Variants in JAZF1 observed in about 807,000 individuals in gnomAD.
JAZF1 encodes juxtaposed with another zinc finger protein 1.
A neutral mutation model predicts 26.4 loss-of-function variants in JAZF1; 8 were observed. The ratio of observed to expected loss-of-function variants is 0.30; its 90% CI spans 0.18 to 0.55. JAZF1 has a LOEUF of 0.55. Among genes scored for constraint, JAZF1 ranks in the 20% least tolerant of loss-of-function variants. The pLI, the probability that JAZF1 is intolerant of heterozygous loss-of-function variation, is 0.94. For synonymous variants in JAZF1, 126 were observed against 122.3 expected, an observed-to-expected ratio of 1.03 and a Z score of -0.20; for missense variants, 199 against 322.0, an observed-to-expected ratio of 0.62 and a Z score of 2.92.
intron 1 of JAZF1, among the ~76,000 whole-genome samples, chr7:28,049,726 C>T (rs755440882): frequency 1.3e-5 from 2 of 152,240 alleles, no homozygotes; most frequent in East Asian, 1.9e-4. Flanking sequence ...TTAGGGGAAA[C>T]ATTTTACTTA....
At chr7:28,140,436 G>C (rs1175350242) in intron 1 of JAZF1, among the ~76,000 whole-genome samples, 1 of 152,010 alleles carries the variant, frequency 6.6e-6, no homozygotes, top group African/African-American at 2.4e-5. Context: ...AAATGACCAA[G>C]GTGTCAAAAT....
chr7:27,941,207 T>C (rs1784841316), intron 2 of JAZF1, among the ~76,000 whole-genome samples: 1 of 152,250 alleles, frequency 6.6e-6, no homozygotes, highest in African/African-American at 2.4e-5. Flanking sequence ...TTTTTGGCAA[T>C]CAATTAGGAA....
chr7:28,028,481 C>T (rs1783129747), intron 1 of JAZF1, among the ~76,000 whole-genome samples: 1 of 152,190 alleles, frequency 6.6e-6, no homozygotes, highest in Non-Finnish European at 1.5e-5. Context: ...CTGCTGAAGG[C>T]AATATGTAGA....
intron 1 of JAZF1, among the ~76,000 whole-genome samples, chr7:28,048,437 G>A (rs1191924169): frequency 6.6e-6 from 1 of 151,974 alleles, no homozygotes; most frequent in Non-Finnish European, 1.5e-5. Flanking sequence ...CTCAAATATT[G>A]ATTTGAATAC....
At chr7:27,902,181 C>G (rs1262744071) in intron 2 of JAZF1, among the ~76,000 whole-genome samples, 1 of 152,086 alleles carries the variant, frequency 6.6e-6, no homozygotes, top group Non-Finnish European at 1.5e-5. Flanking sequence ...TGGGGCTGCC[C>G]CAGACCCTAA....
chr7:28,017,671 G>T (rs1782919228), intron 1 of JAZF1, among the ~76,000 whole-genome samples: 1 of 152,256 alleles, frequency 6.6e-6, no homozygotes, highest in Admixed American at 6.5e-5. Context: ...GCACTGGCCA[G>T]ATACTTGTGG....
At chr7:28,028,143 A>C (rs899088370) in intron 1 of JAZF1, among the ~76,000 whole-genome samples, 10 of 152,184 alleles carry the variant, frequency 6.6e-5, no homozygotes, top group Non-Finnish European at 4.4e-5. Context: ...GAAACAAGCA[A>C]CCTATCTTCT....
intron 1 of JAZF1, among the ~76,000 whole-genome samples, chr7:28,077,101 A>G (rs878950205): frequency 6.6e-6 from 1 of 152,224 alleles, no homozygotes; most frequent in Admixed American, 6.5e-5. Flanking sequence ...CGACACTTAC[A>G]TTGGAATCTA....
intron 1 of JAZF1, among the ~76,000 whole-genome samples, chr7:28,039,157 G>C (rs911607192): frequency 1.3e-5 from 2 of 152,172 alleles, no homozygotes; most frequent in Non-Finnish European, 2.9e-5. Context: ...AGAGACCTTG[G>C]AGACTTACTT....
At chr7:28,062,225 G>T (rs570922230) in intron 1 of JAZF1, among the ~76,000 whole-genome samples, 1 of 152,242 alleles carries the variant, frequency 6.6e-6, no homozygotes, top group East Asian at 1.9e-4. Flanking sequence ...TAATGGACTG[G>T]ACTCGAAGCA....
chr7:28,155,554 A>G (rs1251209938), intron 1 of JAZF1, among the ~76,000 whole-genome samples: 1 of 152,206 alleles, frequency 6.6e-6, no homozygotes, highest in Non-Finnish European at 1.5e-5. Flanking sequence ...TAATTTAGGA[A>G]CCTTTTACAG....
chr7:28,036,434 T>G (rs1783294453), intron 1 of JAZF1, among the ~76,000 whole-genome samples: 1 of 152,258 alleles, frequency 6.6e-6, no homozygotes, highest in African/African-American at 2.4e-5. Flanking sequence ...TTTCCTTGTT[T>G]ATTCTTCATC....
chr7:28,077,637 T>G (rs1460238546), intron 1 of JAZF1, among the ~76,000 whole-genome samples: 3 of 152,186 alleles, frequency 2.0e-5, no homozygotes, highest in Non-Finnish European at 4.4e-5. Flanking sequence ...TCCAGCAAAG[T>G]GACCACTTGT....
At chr7:27,859,418 T>C (rs1262197565) in intron 3 of JAZF1, among the ~76,000 whole-genome samples, 1 of 152,216 alleles carries the variant, frequency 6.6e-6, no homozygotes, top group East Asian at 1.9e-4. Context: ...TAAAGACACA[T>C]GCACATGTAT....
At chr7:28,027,146 T>C (rs1783107162) in intron 1 of JAZF1, among the ~76,000 whole-genome samples, 1 of 152,148 alleles carries the variant, frequency 6.6e-6, no homozygotes, top group Non-Finnish European at 1.5e-5. Context: ...GAAAACAGCC[T>C]GAATGAACAG....
intron 2 of JAZF1, among the ~76,000 whole-genome samples, chr7:27,982,884 C>A (rs1785615907): frequency 6.6e-6 from 1 of 152,154 alleles, no homozygotes; most frequent in African/African-American, 2.4e-5. Flanking sequence ...AGGGTCCTGA[C>A]TATTAGAAGG....
At chr7:27,968,611 G>GA (rs1442151011) in intron 2 of JAZF1, among the ~76,000 whole-genome samples, 2 of 152,188 alleles carry the variant, frequency 1.3e-5, no homozygotes, top group African/African-American at 4.8e-5. Context: ...CCAAACACCA[G>GA]AAAGTGCTAT....
At chr7:27,874,491 G>A (rs1036223291) in intron 3 of JAZF1, among the ~76,000 whole-genome samples, 2 of 152,044 alleles carry the variant, frequency 1.3e-5, no homozygotes, top group Admixed American at 1.3e-4. Context: ...GACAGCCTAG[G>A]CTCATGGGAT....
At chr7:27,930,028 CTCTG>C (rs1240577421) in intron 2 of JAZF1, among the ~76,000 whole-genome samples, 50 of 151,668 alleles carry the variant, frequency 3.3e-4, no homozygotes, top group African/African-American at 1.1e-3. Flanking sequence ...CGGAGTCTTG[CTCTG>C]TCGCCCAGGC....
Sources: allele counts gnomAD v4.1 joint callset (sites outside exome capture counted in the v4.1 genomes callset), GRCh38; gene constraint gnomAD v4.1.1; transcripts MANE v1.5; gene names NCBI Gene and HGNC (gene_info 2026-07-23, HGNC 2026-07-21).